ATXN8OS: variants seen among roughly 807,000 people sequenced by gnomAD.
The protein encoded by ATXN8OS is ATXN8 opposite strand (non-protein coding).
chr13:70,170,552 A>G (rs955989376), exon 5 of ATXN8OS, among the ~76,000 whole-genome samples: 2 of 152,150 alleles, frequency 1.3e-5, no homozygotes, highest in Admixed American at 1.3e-4. Context: ...ATTGGCTTTT[A>G]TACTTGGAAA....
chr13:70,137,221 C>T (rs540241078), intron 3 of ATXN8OS, among the ~76,000 whole-genome samples: 3 of 152,246 alleles, frequency 2.0e-5, no homozygotes, highest in African/African-American at 4.8e-5. Flanking sequence ...TAAAATTCAG[C>T]GGAATCGCTC....
intron 4 of ATXN8OS, among the ~76,000 whole-genome samples, chr13:70,162,207 C>T (rs953818617): frequency 6.6e-6 from 1 of 151,946 alleles, no homozygotes; most frequent in Non-Finnish European, 1.5e-5. Context: ...TAGGGTCTTA[C>T]AGGAATCAGC....
chr13:70,120,960 T>C (rs533977805), intron 2 of ATXN8OS, among the ~76,000 whole-genome samples: 23 of 151,944 alleles, frequency 1.5e-4, no homozygotes, highest in African/African-American at 3.6e-4. Flanking sequence ...TTTGGAGATA[T>C]ACCTAATGTT....
intron 2 of ATXN8OS, among the ~76,000 whole-genome samples, chr13:70,124,755 C>T (rs1888404935): frequency 6.6e-6 from 1 of 151,958 alleles, no homozygotes; most frequent in Admixed American, 6.6e-5. Flanking sequence ...TTTTTTCAAC[C>T]ACTAATTACT....
intron 3 of ATXN8OS, chr13:70,139,383 A>ACTACTACTACTACTACTACTACTG: frequency 1.1e-5 from 5 of 458,350 alleles, no homozygotes; most frequent in Non-Finnish European, 1.8e-5. Flanking sequence ...TACTACTACT[A>ACTACTACTACTACTACTACTACTG]CTGCTGCTGC....
chr13:70,161,125 C>A (rs1483623091), intron 4 of ATXN8OS, among the ~76,000 whole-genome samples: 2 of 149,854 alleles, frequency 1.3e-5, no homozygotes, highest in Non-Finnish European at 3.0e-5. Flanking sequence ...CTAAATACTG[C>A]AAGATTTAAA....
intron 4 of ATXN8OS, among the ~76,000 whole-genome samples, chr13:70,158,785 T>C (rs1490473049): frequency 6.6e-6 from 1 of 152,190 alleles, no homozygotes; most frequent in Non-Finnish European, 1.5e-5. Context: ...TCATGCAATA[T>C]CTCTTGATTT....
At position 70,138,542 on chromosome 13, in the gene ATXN8OS, G is replaced by A. The variant is rs914645873; in HGVS notation, n.499+8658G>A. ...TATTTATTGAGTGTCTCAGTTCTAG[G>A]TGCTATAGATTTATTAATAAACTCA... is the stretch of plus-strand genomic sequence containing the variant. On this transcript the variant is annotated intron_variant and non_coding_transcript_variant, in intron 3 of 4. Transcript: ENST00000678624. Among the ~76,000 whole-genome samples the A allele has an allele frequency of 3.3e-5, 5 of 151,940 alleles. No homozygotes were observed. In the East Asian group the frequency reaches 7.7e-4, roughly 23 times the overall value.
rs112520865 is a variant in ATXN8OS at position 70,153,761 on chromosome 13, C to T, written n.573+6333C>T. 5.3e-3 allele frequency among the ~76,000 whole-genome samples: 800 copies of T among 152,178 alleles called. 6 individuals carry two copies. The highest frequency in any genetic ancestry group is 0.018 in the African/African-American group (746 of 41,498). ...GGGGCACAGTCACAGCTCACTGCAG[C>T]CTTGACTTCCCAGGCTCCCGCGATC... On this transcript the variant is annotated intron_variant and non_coding_transcript_variant, in intron 4 of 4. Coordinates refer to ENST00000678624, the Ensembl canonical transcript of ATXN8OS.
chr13:70,166,282 T>C (rs930314059), intron 4 of ATXN8OS, among the ~76,000 whole-genome samples: 107 of 152,190 alleles, frequency 7.0e-4, no homozygotes, highest in African/African-American at 2.5e-3. Context: ...AAGGCTACAG[T>C]AACCAAAACA....
At chr13:70,112,110 G>A (rs1490150707) in intron 1 of ATXN8OS, among the ~76,000 whole-genome samples, 2 of 152,108 alleles carry the variant, frequency 1.3e-5, no homozygotes, top group Non-Finnish European at 2.9e-5. Flanking sequence ...TACGTGGCTG[G>A]AGCAGGAAGA....
At chr13:70,158,727 A>C (rs189346155) in intron 4 of ATXN8OS, among the ~76,000 whole-genome samples, 1 of 152,324 alleles carries the variant, frequency 6.6e-6, no homozygotes, top group African/African-American at 2.4e-5. Flanking sequence ...CTCTGATATA[A>C]CATTATTTAT....
chr13:70,109,256 C>T (rs1888158045), intron 1 of ATXN8OS, among the ~76,000 whole-genome samples: 1 of 152,208 alleles, frequency 6.6e-6, no homozygotes, highest in South Asian at 2.1e-4. Context: ...ACTTTCAGTA[C>T]ATGACTACTT....
intron 3 of ATXN8OS, among the ~76,000 whole-genome samples, chr13:70,138,447 G>T (rs1332196500): frequency 6.6e-6 from 1 of 151,908 alleles, no homozygotes; most frequent in East Asian, 1.9e-4. Flanking sequence ...GCAAAAAATA[G>T]GTTCTATTGT....
At chr13:70,107,471 A>G (rs1888098289), upstream of ATXN8OS, 1 of 1,614,064 alleles carries the variant, frequency 6.2e-7, no homozygotes, top group African/African-American at 1.3e-5. Context: ...GACGATGAAG[A>G]GGAAGAGGAG....
chr13:70,108,825 G>A (rs1888149913), intron 1 of ATXN8OS, among the ~76,000 whole-genome samples: 1 of 152,194 alleles, frequency 6.6e-6, no homozygotes, highest in African/African-American at 2.4e-5. Context: ...TTTCTCTGTA[G>A]TGAGACACAG....
chr13:70,121,951 G>T (rs1348603932), intron 2 of ATXN8OS, among the ~76,000 whole-genome samples: 1 of 151,820 alleles, frequency 6.6e-6, no homozygotes, highest in African/African-American at 2.4e-5. Context: ...AGACAGCAGT[G>T]GCAGTTATTA....
chr13:70,165,050 T>C (rs1032825301), intron 4 of ATXN8OS, among the ~76,000 whole-genome samples: 6 of 151,954 alleles, frequency 3.9e-5, no homozygotes, highest in African/African-American at 1.4e-4. Flanking sequence ...AGTTACAATA[T>C]GGCCTCTGGA....
At chr13:70,168,170 C>T (rs1216517722) in intron 4 of ATXN8OS, among the ~76,000 whole-genome samples, 1 of 151,840 alleles carries the variant, frequency 6.6e-6, no homozygotes. Flanking sequence ...GGCTTGAGAA[C>T]AAGAAAAAGG....
Sources: gnomAD v4.1 joint callset for allele counts (sites outside exome capture counted in the v4.1 genomes callset) on GRCh38, gnomAD v4.1.1 for gene constraint, MANE v1.5 for transcripts, NCBI Gene and HGNC (gene_info 2026-07-23, HGNC 2026-07-21) for gene names.